Variants in LY6S observed in about 807,000 individuals in gnomAD.
LY6S encodes the protein lymphocyte antigen 6S.
the LY6S span, among the ~76,000 whole-genome samples, chr8:143,049,879 C>T: frequency 6.6e-6 from 1 of 152,106 alleles, no homozygotes; most frequent in Non-Finnish European, 1.5e-5. Context: ...TTTATAGACT[C>T]ACATCTATAA....
At chr8:143,041,021 G>A in the LY6S span, among the ~76,000 whole-genome samples, 23 of 152,144 alleles carry the variant, frequency 1.5e-4, no homozygotes, top group African/African-American at 5.3e-4. Flanking sequence ...CAAGGCAAAC[G>A]GAGGCAGGGC....
the LY6S span, chr8:143,049,411 A>G: frequency 2.5e-6 from 1 of 405,302 alleles, no homozygotes; most frequent in South Asian, 1.8e-5. Flanking sequence ...GCCATCCCGC[A>G]GCTCCGTCTT....
At chr8:143,044,976 G>A in the LY6S span, among the ~76,000 whole-genome samples, 1 of 152,118 alleles carries the variant, frequency 6.6e-6, no homozygotes, top group Non-Finnish European at 1.5e-5. Context: ...GCCTGCAACT[G>A]GTGGCCTGCA....
chr8:143,068,379 G>A, the LY6S span, among the ~76,000 whole-genome samples: 1 of 152,094 alleles, frequency 6.6e-6, no homozygotes, highest in Non-Finnish European at 1.5e-5. Flanking sequence ...TCCTAGTACA[G>A]ATCAAAATGG....
At chr8:143,052,267 C>T in the LY6S span, among the ~76,000 whole-genome samples, 5 of 151,798 alleles carry the variant, frequency 3.3e-5, no homozygotes, top group South Asian at 2.1e-4. Context: ...GGGGACACAG[C>T]GAGACTCCGT....
At chr8:143,043,598 C>CGGGAGCTGGGTGGGCTGTGGAG in the LY6S span, among the ~76,000 whole-genome samples, 1 of 152,112 alleles carries the variant, frequency 6.6e-6, no homozygotes, top group Non-Finnish European at 1.5e-5. Flanking sequence ...ACCCCCGAAG[C>CGGGAGCTGGGTGGGCTGTGGAG]GGGAGCTGGG....
the LY6S span, chr8:143,065,785 TTCTTTC>T: frequency 1.0e-4 from 1 of 9,712 alleles, no homozygotes; most frequent in African/African-American, 5.8e-4. Flanking sequence ...TTCTTTCTTT[TTCTTTC>T]TTTCTTTCTT....
the LY6S span, chr8:143,066,108 T>C: frequency 2.4e-6 from 1 of 413,048 alleles, no homozygotes; most frequent in South Asian, 1.9e-5. Flanking sequence ...TTCGGAAATG[T>C]CCCTGACTGC....
the LY6S span, among the ~76,000 whole-genome samples, chr8:143,052,114 T>C: frequency 2.6e-5 from 4 of 151,500 alleles, no homozygotes. Context: ...ACCCCGTCTC[T>C]ACTAAAAATA....
chr8:143,068,249 A>G, the LY6S span, among the ~76,000 whole-genome samples: 4 of 152,360 alleles, frequency 2.6e-5, no homozygotes, highest in African/African-American at 9.6e-5. Flanking sequence ...ATTGTTAACA[A>G]GGCACATTCT....
chr8:143,050,965 G>A, the LY6S span, among the ~76,000 whole-genome samples: 21 of 152,316 alleles, frequency 1.4e-4, no homozygotes, highest in African/African-American at 3.8e-4. Flanking sequence ...CTCCAAGGGC[G>A]CCTCCCTTGT....
the LY6S span, among the ~76,000 whole-genome samples, chr8:143,055,392 C>T: frequency 2.0e-5 from 3 of 152,252 alleles, no homozygotes; most frequent in East Asian, 5.8e-4. Flanking sequence ...TGCCTGATAA[C>T]CTAGTGAGAA....
chr8:143,070,412 G>A, the LY6S span, among the ~76,000 whole-genome samples: 22 of 95,108 alleles, frequency 2.3e-4, no homozygotes, highest in African/African-American at 9.4e-4. Context: ...TTTTATTTAT[G>A]TATATATATT....
chr8:143,052,383 G>A, the LY6S span, among the ~76,000 whole-genome samples: 1 of 152,168 alleles, frequency 6.6e-6, no homozygotes, highest in Non-Finnish European at 1.5e-5. Flanking sequence ...CCACAATAGA[G>A]TCACTCGGGC....
At chr8:143,070,885 A>G in the LY6S span, among the ~76,000 whole-genome samples, 1 of 152,154 alleles carries the variant, frequency 6.6e-6, no homozygotes, top group Non-Finnish European at 1.5e-5. Flanking sequence ...TAACAGACTT[A>G]GTATTTATGT....
chr8:143,065,049 G>A, the LY6S span, among the ~76,000 whole-genome samples: 19 of 152,304 alleles, frequency 1.2e-4, 1 homozygote, highest in Middle Eastern at 6.8e-3. Flanking sequence ...TAACAAGTCC[G>A]AGGTGGAGCA....
the LY6S span, among the ~76,000 whole-genome samples, chr8:143,066,295 T>C: frequency 1.3e-5 from 2 of 152,110 alleles, no homozygotes; most frequent in East Asian, 3.9e-4. Context: ...CCTGAGTAGC[T>C]GGGATTACAG....
the LY6S span, among the ~76,000 whole-genome samples, chr8:143,046,604 A>G: frequency 6.6e-6 from 1 of 151,642 alleles, no homozygotes; most frequent in Non-Finnish European, 1.5e-5. Flanking sequence ...AATGAGAGGA[A>G]TCTAACATAA....
the LY6S span, chr8:143,043,276 G>T: frequency 7.4e-7 from 1 of 1,347,844 alleles, no homozygotes; most frequent in African/African-American, 1.5e-5. Context: ...AGTTTCAGCA[G>T]GGGGAATCCG....
Sources: gnomAD v4.1 joint callset for allele counts (sites outside exome capture counted in the v4.1 genomes callset) on GRCh38, gnomAD v4.1.1 for gene constraint, MANE v1.5 for transcripts, NCBI Gene and HGNC (gene_info 2026-07-23, HGNC 2026-07-21) for gene names.